The following POU2F1 variants were observed in gnomAD, a reference collection of about 807,000 sequenced individuals.
POU2F1 encodes the protein POU domain, class 2, transcription factor 1.
Under a neutral mutation model 84.9 loss-of-function variants are expected in POU2F1, and 16 were observed. The observed-to-expected ratio is 0.19, with a 90% CI of 0.13 to 0.29. POU2F1 has a LOEUF of 0.29. Ranked by LOEUF, POU2F1 falls within the 10% of genes least tolerant of loss-of-function variation. The probability of loss-of-function intolerance (pLI) is 1.00; values close to 1 mark genes in which losing one functional copy is unlikely to be tolerated. For missense variants in POU2F1, 738 were observed against 942.6 expected, an observed-to-expected ratio of 0.78 and a Z score of 2.84; for synonymous variants, 368 against 368.3, an observed-to-expected ratio of 1.00 and a Z score of 0.01.
intron 1 of POU2F1, among the ~76,000 whole-genome samples, chr1:167,322,042 A>G (rs1313650424): frequency 6.6e-6 from 1 of 152,218 alleles, no homozygotes; most frequent in East Asian, 1.9e-4. Flanking sequence ...TGTTAAATTG[A>G]GCAGATTGAA....
At position 167,340,741 on chromosome 1, in the gene POU2F1, G is replaced by A. The variant is rs531211953; in HGVS notation, c.127+8206G>A. Among the ~76,000 whole-genome samples, 9 of 152,060 alleles carry A rather than the reference G, an allele frequency of 5.9e-5. 1 individual carries two copies. The Middle Eastern group carries it at 0.01, about 172-fold the overall frequency. ...CATGCCTGCCCTGTTGTTTCTTTTT[G>A]TCTCCGATGCGCAAGATAACAGTAC... On this transcript the variant is annotated intron_variant, in intron 2 of 15. Coordinates refer to ENST00000367866, the MANE Select transcript of POU2F1 (RefSeq NM_002697.4).
intron 1 of POU2F1, among the ~76,000 whole-genome samples, chr1:167,328,295 T>C (rs1369314905): frequency 6.6e-6 from 1 of 152,220 alleles, no homozygotes; most frequent in East Asian, 1.9e-4. Context: ...ATAATGAATT[T>C]CTATACTCTT....
chr1:167,261,620 C>G (rs373780410), intron 1 of POU2F1, among the ~76,000 whole-genome samples: 4 of 152,200 alleles, frequency 2.6e-5, no homozygotes, highest in Non-Finnish European at 5.9e-5. Context: ...CACTCAATTT[C>G]CCATGGCACT....
At chr1:167,238,015 GA>G (rs1649632679) in intron 1 of POU2F1, among the ~76,000 whole-genome samples, 1 of 151,496 alleles carries the variant, frequency 6.6e-6, no homozygotes, top group Non-Finnish European at 1.5e-5. Context: ...CTCCTGACCT[GA>G]AGTGATCTGC....
intron 1 of POU2F1, among the ~76,000 whole-genome samples, chr1:167,246,869 AT>A (rs1479375567): frequency 4.6e-5 from 7 of 152,228 alleles, no homozygotes; most frequent in Admixed American, 3.3e-4. Context: ...GTAATACTGT[AT>A]TTTTAAAAAT....
At chr1:167,259,673 T>C (rs1213105630) in intron 1 of POU2F1, among the ~76,000 whole-genome samples, 1 of 152,188 alleles carries the variant, frequency 6.6e-6, no homozygotes, top group Non-Finnish European at 1.5e-5. Context: ...TGTGCACATC[T>C]TTAGCTTTAT....
In POU2F1 at chr1:167,396,455, G is replaced by A. The variant is rs1202821776; in HGVS notation, c.1129+28G>A. 3 of 1,595,380 alleles carry A rather than the reference G, an allele frequency of 1.9e-6. No homozygotes were observed. In the East Asian group the frequency reaches 6.7e-5, roughly 36 times the overall value. ...AAGTGACTGTATAAGACATTTCTTT[G>A]TCATTCATTGGAATTTTACATGGGG... On this transcript the variant is annotated intron_variant, in intron 10 of 15. Transcript: ENST00000367866.
At chr1:167,234,018 A>G (rs1176292566) in intron 1 of POU2F1, among the ~76,000 whole-genome samples, 3 of 152,214 alleles carry the variant, frequency 2.0e-5, no homozygotes, top group Non-Finnish European at 2.9e-5. Flanking sequence ...AGGCTTAAAG[A>G]GGCTAAGTGG....
At chr1:167,382,104 T>C (rs983246782) in intron 7 of POU2F1, among the ~76,000 whole-genome samples, 2 of 152,202 alleles carry the variant, frequency 1.3e-5, no homozygotes, top group Non-Finnish European at 2.9e-5. Context: ...AGTGCTCTGA[T>C]AGTTAGGGAT....
intron 3 of POU2F1, among the ~76,000 whole-genome samples, chr1:167,369,329 G>T (rs1659866902): frequency 6.6e-6 from 1 of 152,108 alleles, no homozygotes; most frequent in Non-Finnish European, 1.5e-5. Context: ...GTGCTCACTT[G>T]ATTATTTGTC....
chr1:167,232,328 A>G (rs904419859), intron 1 of POU2F1, among the ~76,000 whole-genome samples: 2 of 152,154 alleles, frequency 1.3e-5, no homozygotes, highest in African/African-American at 2.4e-5. Context: ...CCTATCTCCT[A>G]GTGACATTGT....
At chr1:167,293,090 C>T (rs2102539675) in intron 1 of POU2F1, among the ~76,000 whole-genome samples, 1 of 152,266 alleles carries the variant, frequency 6.6e-6, no homozygotes, top group South Asian at 2.1e-4. Flanking sequence ...CCCCTGAGAA[C>T]TATAACAAGA....
At chr1:167,379,773 C>T (rs745980424) in intron 7 of POU2F1, 1 of 152,152 alleles carries the variant, frequency 6.6e-6, no homozygotes, top group Non-Finnish European at 1.5e-5. Flanking sequence ...TTCAGCAAAG[C>T]CAAGGGCGTT....
chr1:167,232,578 C>G (rs191335090), intron 1 of POU2F1, among the ~76,000 whole-genome samples: 4 of 152,178 alleles, frequency 2.6e-5, no homozygotes, highest in Admixed American at 6.5e-5. Flanking sequence ...CGTGATGGCT[C>G]ATGCCTGTAA....
chr1:167,267,603 A>G (rs1328966277), intron 1 of POU2F1, among the ~76,000 whole-genome samples: 1 of 117,078 alleles, frequency 8.5e-6, no homozygotes, highest in African/African-American at 3.1e-5. Flanking sequence ...AAAATTCTTC[A>G]TTGTGAAAGT....
intron 1 of POU2F1, among the ~76,000 whole-genome samples, chr1:167,244,833 A>G (rs1479009167): frequency 6.6e-6 from 1 of 152,210 alleles, no homozygotes; most frequent in Non-Finnish European, 1.5e-5. Flanking sequence ...TTCCTTAAAA[A>G]GTTCTTCTCT....
Position 167,413,059 on chromosome 1 carries a change from G to T in POU2F1, c.1935G>T (p.Leu645=). The T allele has an allele frequency of 2.5e-6, 4 of 1,614,172 alleles. No individual in the cohort carries two copies. Among genetic ancestry groups the T allele is most frequent in the Middle Eastern group, 1.7e-4 (1 of 6,060 alleles). ...GALLSLNPGT[L]SGALSPALMS... is the part of the protein sequence containing the mutation. Reference sequence around the variant, plus strand: ...TACTCAGTCTGAATCCAGGGACCCTGAGCGGTGCTCTCAGCCCAGCTCTAA... The same window carrying T: ...TACTCAGTCTGAATCCAGGGACCCTTAGCGGTGCTCTCAGCCCAGCTCTAA... Residue 645 remains leucine (L), a synonymous_variant, in exon 15 of 16, where the codon CTG becomes CTT. Coordinates refer to ENST00000367866, the MANE Select transcript of POU2F1 (RefSeq NM_002697.4).
At chr1:167,328,576 T>G (rs1454115617) in intron 1 of POU2F1, among the ~76,000 whole-genome samples, 1 of 152,170 alleles carries the variant, frequency 6.6e-6, no homozygotes, top group Non-Finnish European at 1.5e-5. Flanking sequence ...TCTGTAGGGT[T>G]GTTTCTAATT....
chr1:167,403,448 G>A (rs1383403076), intron 13 of POU2F1, among the ~76,000 whole-genome samples: 1 of 152,208 alleles, frequency 6.6e-6, no homozygotes, highest in African/African-American at 2.4e-5. Flanking sequence ...AGAAGAGTCA[G>A]TGTCAAGTGG....
Sources: gnomAD v4.1 joint callset for allele counts (sites outside exome capture counted in the v4.1 genomes callset) on GRCh38, gnomAD v4.1.1 for gene constraint, MANE v1.5 for transcripts, NCBI Gene and HGNC (gene_info 2026-07-23, HGNC 2026-07-21) for gene names.